Variants in PGBD5 observed in about 807,000 individuals in gnomAD.
PGBD5 encodes piggyBac transposable element derived 5.
Under a neutral mutation model 47.9 loss-of-function variants are expected in PGBD5, and 14 were observed. That is an observed-to-expected ratio of 0.29 (90% CI 0.19 to 0.46). The LOEUF (loss-of-function observed/expected upper bound fraction) is 0.46. PGBD5 is among the 20% of genes least tolerant of loss of function. The pLI, the probability that PGBD5 is intolerant of heterozygous loss-of-function variation, is 1.00. For missense variants in PGBD5, 635 were observed against 716.0 expected (o/e 0.89, Z 1.29); for synonymous variants, 316 against 306.3 (o/e 1.03, Z -0.33).
At chr1:230,361,795 G>A (rs1380756848) in intron 1 of PGBD5, among the ~76,000 whole-genome samples, 2 of 152,240 alleles carry the variant, frequency 1.3e-5, no homozygotes, top group African/African-American at 4.8e-5. Flanking sequence ...AGCAGGAGCT[G>A]GGACCCAGGC....
At chr1:230,367,047 G>A (rs79818026) in intron 1 of PGBD5, among the ~76,000 whole-genome samples, 4,071 of 151,900 alleles carry the variant, frequency 0.027, 177 homozygotes, top group African/African-American at 0.092. Flanking sequence ...CATACACAGC[G>A]ACCCACTGAG....
intron 1 of PGBD5, among the ~76,000 whole-genome samples, chr1:230,407,142 C>T (rs185150690): frequency 5.3e-5 from 8 of 152,244 alleles, no homozygotes; most frequent in African/African-American, 1.2e-4. Context: ...GTCCAGAATA[C>T]GTCACTTTCA....
In PGBD5 at chr1:230,323,435, G is replaced by A. The variant is rs138064546; in HGVS notation, c.1565C>T (p.Pro522Leu). ...CCTGCGCCCCCAGCATCAGTGGGTC[G>A]GAGAGGCATCCTCCAAGCCCAGCAG... is the stretch of plus-strand genomic sequence containing the variant. The part of the protein sequence containing the change: ...RELLGLEDAS[P>L]TH Residue 522 changes from proline to leucine, a missense_variant, in exon 7 of 7, where the codon CCG (proline) becomes CTG (leucine). Pro to Leu is a moderately conservative substitution (Grantham distance 98). Transcript: ENST00000391860. This position sits in a 1 kb window ranked among gnomAD's most constrained non-coding sequence, Gnocchi z 4.1. 5.2e-5 allele frequency: 84 copies of A among 1,613,360 alleles called. No homozygotes were observed. Among genetic ancestry groups the A allele is most frequent in the Middle Eastern group, 1.6e-4 (1 of 6,066 alleles).
chr1:230,422,694 C>A (rs938857337), intron 1 of PGBD5, among the ~76,000 whole-genome samples: 1 of 152,040 alleles, frequency 6.6e-6, no homozygotes, highest in African/African-American at 2.4e-5. Flanking sequence ...AACTACTGGC[C>A]GCACTTCCGG....
At chr1:230,423,421 G>A (rs545065473) in intron 1 of PGBD5, among the ~76,000 whole-genome samples, 1 of 152,266 alleles carries the variant, frequency 6.6e-6, no homozygotes, top group East Asian at 1.9e-4. Context: ...TTTAGATACT[G>A]TGCTCTGGTA....
chr1:230,381,239 T>A (rs1330622052), intron 1 of PGBD5, among the ~76,000 whole-genome samples: 1 of 152,238 alleles, frequency 6.6e-6, no homozygotes, highest in Non-Finnish European at 1.5e-5. Flanking sequence ...GAGCACTTCC[T>A]TTCTCAGCAT....
At position 230,319,518 on chromosome 1, in the gene PGBD5, TCCTCTCAGCCTG is replaced by T. The variant is rs1667003895; in HGVS notation, c.*3895_*3906del. ...ATGGCCCTCCCGGGTTTGCCCTGCT[TCCTCTCAGCCTG>T]ATGCTTGGTGACCCCCCCTCACTGT... On this transcript the variant is annotated 3_prime_UTR_variant, in exon 7 of 7. Coordinates refer to ENST00000391860, the MANE Select transcript of PGBD5 (RefSeq NM_001258311.2). 6.6e-6 allele frequency: 1 copy of T among 152,074 alleles called. No individual in the cohort carries two copies. The highest frequency in any genetic ancestry group is 1.5e-5 in the Non-Finnish European group (1 of 68,018). The allele number at this position is 152,074 out of a possible 1,614,324, so 9.4% of individuals were successfully genotyped here. A position where few individuals can be genotyped will look rare whatever the true frequency, so the allele number is the denominator to read the frequency against.
At chr1:230,408,226 A>C (rs975576007) in intron 1 of PGBD5, among the ~76,000 whole-genome samples, 5 of 152,192 alleles carry the variant, frequency 3.3e-5, no homozygotes, top group African/African-American at 1.2e-4. Flanking sequence ...ATACAGTATA[A>C]ATTTTTTAAA....
chr1:230,423,446 G>T (rs1657704170), intron 1 of PGBD5, among the ~76,000 whole-genome samples: 1 of 152,180 alleles, frequency 6.6e-6, no homozygotes, highest in Admixed American at 6.5e-5. Flanking sequence ...CTAGCAGGCT[G>T]ATCCTCTTTG....
intron 2 of PGBD5, among the ~76,000 whole-genome samples, chr1:230,355,712 A>G (rs1015870092): frequency 4.6e-5 from 7 of 152,200 alleles, no homozygotes; most frequent in Admixed American, 4.6e-4. Flanking sequence ...CAGGGAATCC[A>G]CACGGGACTG....
chr1:230,387,922 G>C (rs1322556266), intron 1 of PGBD5, among the ~76,000 whole-genome samples: 1 of 152,170 alleles, frequency 6.6e-6, no homozygotes, highest in African/African-American at 2.4e-5. Context: ...GTTACGTGGA[G>C]GGATGTGGCA....
chr1:230,341,413 A>G (rs1485643773), intron 3 of PGBD5, among the ~76,000 whole-genome samples: 1 of 152,298 alleles, frequency 6.6e-6, no homozygotes, highest in East Asian at 1.9e-4. Context: ...CCTCCAGTGA[A>G]GTCTTATCCT....
Position 230,357,088 on chromosome 1 carries a change from A to C in PGBD5, c.565T>G (p.Trp189Gly), listed in dbSNP as rs914924956. The part of the protein sequence containing the change: ...ISHCESVLSI[W>G]SGGFYSNRSL... ...CGGTTGCTGTAGAAGCCTCCGCTCC[A>C]GATGCTGAGGACGGACTCGCAGTGG... The change falls in exon 2 of 7, where the codon TGG becomes GGG. Residue 189 changes from tryptophan to glycine, a missense_variant. Physicochemically the swap from Trp to Gly is radical, Grantham distance 184. Coordinates refer to ENST00000391860, the MANE Select transcript of PGBD5 (RefSeq NM_001258311.2). This position sits in a 1 kb window ranked among gnomAD's most constrained non-coding sequence, Gnocchi z 5.7. 1.2e-6 allele frequency: 2 copies of C among 1,614,078 alleles called. No homozygotes were observed. The highest frequency in any genetic ancestry group is 3.3e-5 in the Admixed American group (2 of 60,010).
At chr1:230,379,209 G>A (rs1453863851) in intron 1 of PGBD5, among the ~76,000 whole-genome samples, 1 of 152,080 alleles carries the variant, frequency 6.6e-6, no homozygotes, top group East Asian at 1.9e-4. Flanking sequence ...TGCCCAACCT[G>A]CTCTCCTGCT....
chr1:230,323,392 C>A lies in PGBD5; in HGVS notation c.*33G>T. 6.3e-7 allele frequency: 1 copy of A among 1,594,978 alleles called. No homozygotes were observed. Among genetic ancestry groups the A allele is most frequent in the Non-Finnish European group, 8.5e-7 (1 of 1,170,850 alleles). On this transcript the variant is annotated 3_prime_UTR_variant, in exon 7 of 7. Transcript: ENST00000391860. This position sits in a 1 kb window ranked among gnomAD's most constrained non-coding sequence, Gnocchi z 4.1. ...ACGGCAGGCTCTCCTCCTCCTCTTGCCCCTCCCTTGACCGAGTCCTGCGCC... is the reference window on the plus strand; with the variant it reads ...ACGGCAGGCTCTCCTCCTCCTCTTGACCCTCCCTTGACCGAGTCCTGCGCC...
At chr1:230,346,571 A>G (rs1012070278) in intron 3 of PGBD5, among the ~76,000 whole-genome samples, 4 of 152,170 alleles carry the variant, frequency 2.6e-5, no homozygotes, top group Admixed American at 1.3e-4. Flanking sequence ...GCATATCGCA[A>G]GATTTCCTGA....
chr1:230,327,100 G>A (rs1035338689), intron 5 of PGBD5, among the ~76,000 whole-genome samples: 4 of 152,058 alleles, frequency 2.6e-5, no homozygotes, highest in Non-Finnish European at 4.4e-5. Context: ...TGAGACGGAC[G>A]CCTTCTTCCT....
intron 1 of PGBD5, among the ~76,000 whole-genome samples, chr1:230,419,180 G>C (rs1358234051): frequency 1.5e-5 from 2 of 137,618 alleles, no homozygotes; most frequent in African/African-American, 5.5e-5. Flanking sequence ...ATGGTGGACT[G>C]GATAAAGAAA....
In PGBD5 at chr1:230,316,058, G is replaced by C. The variant is rs200398407; in HGVS notation, c.*7367C>G. 1.6e-5 allele frequency: 2 copies of C among 122,226 alleles called. No individual in the cohort carries two copies. The highest frequency in any genetic ancestry group is 6.0e-5 in the African/African-American group (2 of 33,576). The allele number at this position is 122,226 out of a possible 1,614,324, so 7.6% of individuals were successfully genotyped here. A position where few individuals can be genotyped will look rare whatever the true frequency, so the allele number is the denominator to read the frequency against. On this transcript the variant is annotated 3_prime_UTR_variant, in exon 7 of 7. Transcript: ENST00000391860. ...CATAAGTATATGTGTACACATATAT[G>C]TATGTGTATACATACATGTTTATGT... is the stretch of plus-strand genomic sequence containing the variant.
Sources: allele counts gnomAD v4.1 joint callset (sites outside exome capture counted in the v4.1 genomes callset), GRCh38; gene constraint gnomAD v4.1.1; non-coding constraint Gnocchi (gnomAD v3.1); transcripts MANE v1.5; gene names NCBI Gene and HGNC (gene_info 2026-07-23, HGNC 2026-07-21).